The following ZMPSTE24 variants were observed in gnomAD, a reference collection of about 807,000 sequenced individuals.
ZMPSTE24 encodes the protein zinc metallopeptidase STE24, also known as CAAX prenyl protease 1 homolog.
ZMPSTE24 carries 48 observed loss-of-function variants against 56.7 expected under a neutral mutation model. The ratio of observed to expected loss-of-function variants is 0.85; its 90% CI spans 0.67 to 1.08. The LOEUF (loss-of-function observed/expected upper bound fraction) is 1.08, where lower values mean the gene tolerates loss of function less well. Among genes scored for constraint, ZMPSTE24 ranks in the 50% least tolerant of loss-of-function variants. ZMPSTE24 has a pLI of 0.00. For synonymous variants in ZMPSTE24, 172 were observed against 195.2 expected (o/e 0.88, Z 0.99); for missense variants, 503 against 548.7 (o/e 0.92, Z 0.83).
At chr1:40,279,368 C>A (rs1032347672) in intron 6 of ZMPSTE24, among the ~76,000 whole-genome samples, 2 of 152,138 alleles carry the variant, frequency 1.3e-5, no homozygotes. Flanking sequence ...CAGTTTCAGA[C>A]CATGAATTTT....
chr1:40,278,301 G>C (rs1400935613), intron 6 of ZMPSTE24, among the ~76,000 whole-genome samples: 1 of 151,982 alleles, frequency 6.6e-6, no homozygotes, highest in East Asian at 1.9e-4. Flanking sequence ...ATAAAGATCA[G>C]ACAGCATATT....
rs538297487 is a variant in ZMPSTE24 at position 40,262,649 on chromosome 1, A to G, written c.270+1664A>G. 79 of 205,150 alleles carry G rather than the reference A, an allele frequency of 3.9e-4. 3 individuals carry two copies. The Middle Eastern group carries it at 6.0e-3, about 15-fold the overall frequency. The allele number at this position is 205,150 out of a possible 1,614,324, so 12.7% of individuals were successfully genotyped here. ...ATAGTAACTTTAAAAAATACATTAA[A>G]CATATCCAAGATCTTAAATGTATCA... On this transcript the variant is annotated intron_variant, in intron 2 of 9. Coordinates refer to ENST00000372759, the MANE Select transcript of ZMPSTE24 (RefSeq NM_005857.5).
chr1:40,261,008 A>G (rs1304055524), intron 2 of ZMPSTE24, 23 bp downstream of exon 2: 3 of 1,613,748 alleles, frequency 1.9e-6, no homozygotes, highest in Non-Finnish European at 2.5e-6. Context: ...CTTCTTGGAG[A>G]GACAGTCTGT....
chr1:40,263,335 T>G (rs905251720), intron 2 of ZMPSTE24, among the ~76,000 whole-genome samples: 2 of 152,258 alleles, frequency 1.3e-5, no homozygotes, highest in African/African-American at 4.8e-5. Context: ...TATTGTTTGA[T>G]GTTTACAACA....
At chr1:40,263,629 T>A (rs1251847392) in intron 2 of ZMPSTE24, among the ~76,000 whole-genome samples, 1 of 152,250 alleles carries the variant, frequency 6.6e-6, no homozygotes, top group Admixed American at 6.5e-5. Flanking sequence ...GAAACCTTGT[T>A]TTGTTTGGAA....
At chr1:40,268,309 A>G in intron 3 of ZMPSTE24, 110 bp from the exon 4 acceptor site, 1 of 794,888 alleles carries the variant, frequency 1.3e-6, no homozygotes, top group Non-Finnish European at 2.2e-6. Context: ...TGTTATCCAT[A>G]GAATCAAGCA....
At chr1:40,281,021 A>C (rs1264061665) in intron 6 of ZMPSTE24, among the ~76,000 whole-genome samples, 1 of 152,204 alleles carries the variant, frequency 6.6e-6, no homozygotes, top group Non-Finnish European at 1.5e-5. Flanking sequence ...TTTTCTTGTT[A>C]AAATTCTTTG....
chr1:40,281,240 G>A (rs1643725652), intron 6 of ZMPSTE24, 103 bp from the exon 7 acceptor site: 1 of 1,134,258 alleles, frequency 8.8e-7, no homozygotes, highest in Non-Finnish European at 1.3e-6. Flanking sequence ...TAAATGATTT[G>A]AAAATGTTAA....
chr1:40,275,265 CAAAAAA>C (rs869166476), intron 6 of ZMPSTE24, among the ~76,000 whole-genome samples: 1 of 38,626 alleles, frequency 2.6e-5, no homozygotes, highest in Non-Finnish European at 5.0e-5. Context: ...ACTAAAAATA[CAAAAAA>C]AAAAAAAAAA....
chr1:40,283,808 C>A (rs1438696430), intron 7 of ZMPSTE24, among the ~76,000 whole-genome samples: 3 of 152,080 alleles, frequency 2.0e-5, no homozygotes, highest in African/African-American at 7.2e-5. Flanking sequence ...GCTCCTCTTA[C>A]TCGAGTGCTG....
At chr1:40,271,870 G>A (rs1216630372) in intron 5 of ZMPSTE24, 24 bp from the exon 6 acceptor site, 1 of 1,611,936 alleles carries the variant, frequency 6.2e-7, no homozygotes, top group Non-Finnish European at 8.5e-7. Flanking sequence ...ATGTTCATAT[G>A]TTATTCTGAC....
At chr1:40,269,058 A>T (rs1643585567) in intron 4 of ZMPSTE24, among the ~76,000 whole-genome samples, 1 of 143,410 alleles carries the variant, frequency 7.0e-6, no homozygotes, top group East Asian at 2.0e-4. Flanking sequence ...CCTGGGTGAC[A>T]GCAAGACTCC....
intron 8 of ZMPSTE24, 91 bp downstream of exon 8, chr1:40,286,120 C>A (rs755079546): frequency 2.7e-6 from 3 of 1,099,592 alleles, no homozygotes; most frequent in Non-Finnish European, 4.1e-6. Flanking sequence ...GAGGCCAAGG[C>A]AGACACCACA....
chr1:40,264,755 C>A (rs539163418), intron 2 of ZMPSTE24, among the ~76,000 whole-genome samples: 1 of 150,946 alleles, frequency 6.6e-6, no homozygotes, highest in African/African-American at 2.4e-5. Context: ...TGATGTGCAC[C>A]TGCAGTTCTA....
intron 8 of ZMPSTE24, among the ~76,000 whole-genome samples, chr1:40,289,186 T>G (rs1035323531): frequency 6.6e-6 from 1 of 152,244 alleles, no homozygotes; most frequent in Non-Finnish European, 1.5e-5. Flanking sequence ...TTTAACTTAC[T>G]GGTGCCTTCA....
At chr1:40,279,647 T>C (rs1643707154) in intron 6 of ZMPSTE24, among the ~76,000 whole-genome samples, 1 of 152,198 alleles carries the variant, frequency 6.6e-6, no homozygotes, top group Admixed American at 6.5e-5. Context: ...CAAAACTTCA[T>C]AGCCCAATTT....
chr1:40,262,758 C>T, intron 2 of ZMPSTE24: 3 of 1,100,162 alleles, frequency 2.7e-6, no homozygotes, highest in South Asian at 1.8e-5. Flanking sequence ...GTATTTGCCT[C>T]TTCTTTCTGC....
At chr1:40,287,233 A>AT (rs1449651782) in intron 8 of ZMPSTE24, among the ~76,000 whole-genome samples, 1 of 148,988 alleles carries the variant, frequency 6.7e-6, no homozygotes, top group Non-Finnish European at 1.5e-5. Flanking sequence ...CGCCCGGCTA[A>AT]TTTTTTTGTA....
intron 7 of ZMPSTE24, among the ~76,000 whole-genome samples, chr1:40,283,024 G>C (rs1034531736): frequency 2.0e-5 from 3 of 152,156 alleles, no homozygotes; most frequent in African/African-American, 7.2e-5. Context: ...ATTAGCATCT[G>C]AGCATCTGTT....
Sources: allele counts gnomAD v4.1 joint callset (sites outside exome capture counted in the v4.1 genomes callset), GRCh38; gene constraint gnomAD v4.1.1; transcripts MANE v1.5; gene names NCBI Gene and HGNC (gene_info 2026-07-23, HGNC 2026-07-21).